SND1: variants seen among roughly 807,000 people sequenced by gnomAD.
SND1 encodes the protein staphylococcal nuclease and tudor domain containing 1, also known as staphylococcal nuclease domain-containing protein 1.
In SND1, 38 loss-of-function variants were observed where a neutral mutation model predicts 121.7. The observed-to-expected ratio is 0.31, with a 90% CI of 0.24 to 0.41. SND1 has a LOEUF of 0.41. SND1 is among the 10% of genes least tolerant of loss of function. SND1 has a pLI of 1.00. For synonymous variants in SND1, 401 were observed against 447.4 expected (o/e 0.90, Z 1.31); for missense variants, 868 against 1,184.6 (o/e 0.73, Z 3.92).
intron 16 of SND1, among the ~76,000 whole-genome samples, chr7:128,043,861 TATACAC>T (rs1237781614): frequency 7.8e-4 from 38 of 48,968 alleles, no homozygotes; most frequent in Admixed American, 2.2e-3. Flanking sequence ...TATATACACA[TATACAC>T]ACACACACAC....
chr7:128,009,038 C>G (rs1225750292), intron 16 of SND1, among the ~76,000 whole-genome samples: 2 of 152,084 alleles, frequency 1.3e-5, no homozygotes, highest in Admixed American at 6.6e-5. Flanking sequence ...TAATAATAAG[C>G]ATTTTTATGG....
chr7:127,687,122 T>C (rs1795826956), intron 2 of SND1: 1 of 170,634 alleles, frequency 5.9e-6, no homozygotes, highest in African/African-American at 2.4e-5. Context: ...TTTTGAATTC[T>C]TCATTCATTT....
intron 11 of SND1, among the ~76,000 whole-genome samples, chr7:127,827,725 ATCT>A (rs773095368): frequency 2.2e-4 from 34 of 152,178 alleles, no homozygotes; most frequent in Non-Finnish European, 3.1e-4. Context: ...TCATTTTATA[ATCT>A]TCTGTCAGTT....
At chr7:127,972,411 G>A (rs1433640202) in intron 15 of SND1, among the ~76,000 whole-genome samples, 5 of 151,896 alleles carry the variant, frequency 3.3e-5, no homozygotes, top group African/African-American at 1.2e-4. Context: ...ATAGGTTCAT[G>A]TCACACCATG....
chr7:127,695,057 C>T, intron 3 of SND1, 109 bp downstream of exon 3: 1 of 1,363,870 alleles, frequency 7.3e-7, no homozygotes, highest in Non-Finnish European at 1.0e-6. Context: ...AGCTCTAGGA[C>T]AGTTGGCTGA....
chr7:127,673,965 GA>G (rs1205351361), intron 1 of SND1, among the ~76,000 whole-genome samples: 1 of 152,022 alleles, frequency 6.6e-6, no homozygotes, highest in Non-Finnish European at 1.5e-5. Flanking sequence ...CTATTTAGCA[GA>G]GAAGAGTTTT....
At chr7:127,796,969 C>T (rs900303708) in intron 10 of SND1, among the ~76,000 whole-genome samples, 32 of 138,844 alleles carry the variant, frequency 2.3e-4, no homozygotes, top group Non-Finnish European at 3.5e-4. Flanking sequence ...CTCAGCTAAA[C>T]GCAACCTCCA....
chr7:128,051,799 G>C (rs1191727517), intron 16 of SND1, among the ~76,000 whole-genome samples: 1 of 152,238 alleles, frequency 6.6e-6, no homozygotes, highest in South Asian at 2.1e-4. Flanking sequence ...ACTTACTGTT[G>C]CTAAGTGCTG....
At chr7:127,900,185 C>T (rs1447500638) in intron 13 of SND1, among the ~76,000 whole-genome samples, 1 of 152,134 alleles carries the variant, frequency 6.6e-6, no homozygotes, top group African/African-American at 2.4e-5. Flanking sequence ...TCTGAGCTGA[C>T]GTGCACTATG....
chr7:127,673,242 C>G (rs1795557390), intron 1 of SND1, among the ~76,000 whole-genome samples: 1 of 146,878 alleles, frequency 6.8e-6, no homozygotes. Flanking sequence ...TGATATATAA[C>G]TATATTATAT....
chr7:127,920,356 G>T (rs1353965234), intron 14 of SND1, among the ~76,000 whole-genome samples: 1 of 152,194 alleles, frequency 6.6e-6, no homozygotes, highest in Non-Finnish European at 1.5e-5. Flanking sequence ...GAAAAGAATT[G>T]CCAGAGTCTT....
intron 16 of SND1, chr7:128,030,095 C>T: frequency 6.2e-7 from 1 of 1,613,884 alleles, no homozygotes; most frequent in South Asian, 1.1e-5. Context: ...ACTCCAGCTT[C>T]TTGAGCTCCC....
intron 13 of SND1, among the ~76,000 whole-genome samples, chr7:127,902,974 C>T (rs1204891762): frequency 6.6e-6 from 1 of 151,934 alleles, no homozygotes; most frequent in Non-Finnish European, 1.5e-5. Context: ...CTCCACCTCC[C>T]GGGTTCAAGG....
intron 10 of SND1, among the ~76,000 whole-genome samples, chr7:127,754,802 A>G (rs562356975): frequency 1.3e-5 from 2 of 152,370 alleles, no homozygotes; most frequent in African/African-American, 4.8e-5. Flanking sequence ...TGGGGAACCC[A>G]TATTCTTTTG....
chr7:127,773,961 G>T (rs547714527), intron 10 of SND1, among the ~76,000 whole-genome samples: 1 of 152,084 alleles, frequency 6.6e-6, no homozygotes, highest in Non-Finnish European at 1.5e-5. Context: ...TGATGCTGGT[G>T]TAAACAAGCC....
chr7:128,025,183 A>T (rs1803446924), intron 16 of SND1, among the ~76,000 whole-genome samples: 2 of 152,228 alleles, frequency 1.3e-5, no homozygotes, highest in African/African-American at 4.8e-5. Context: ...TTCTAAAGAG[A>T]GTGAACAGCT....
chr7:127,913,198 A>G lies in SND1; in HGVS notation c.1527+8379A>G, dbSNP rs79822537. Among the ~76,000 whole-genome samples, 1,204 of 152,340 alleles carry G rather than the reference A, an allele frequency of 7.9e-3. 18 individuals carry two copies. Among genetic ancestry groups the G allele is most frequent in the African/African-American group, 0.027 (1,125 of 41,572 alleles). On this transcript the variant is annotated intron_variant, in intron 14 of 23. Coordinates refer to ENST00000354725, the MANE Select transcript of SND1 (RefSeq NM_014390.4). The stretch of plus-strand genomic sequence containing the variant: ...TTATTTGTTCGTTCTTATATAACAA[A>G]AACATCTTCCTCCCAGTATAATCAG...
chr7:127,914,222 A>T (rs1287668673), intron 14 of SND1, among the ~76,000 whole-genome samples: 2 of 152,278 alleles, frequency 1.3e-5, no homozygotes, highest in South Asian at 4.2e-4. Flanking sequence ...AGTAGAGCCC[A>T]TTTATTTTCT....
At chr7:127,725,716 G>C (rs1042849374) in intron 10 of SND1, among the ~76,000 whole-genome samples, 2 of 152,194 alleles carry the variant, frequency 1.3e-5, no homozygotes, top group African/African-American at 4.8e-5. Flanking sequence ...AGGATAACCT[G>C]AAAACTTACG....
Sources: gnomAD v4.1 joint callset for allele counts (sites outside exome capture counted in the v4.1 genomes callset) on GRCh38, gnomAD v4.1.1 for gene constraint, MANE v1.5 for transcripts, NCBI Gene and HGNC (gene_info 2026-07-23, HGNC 2026-07-21) for gene names.